Variants in CELSR1 observed in about 807,000 individuals in gnomAD.
CELSR1 encodes cadherin EGF LAG seven-pass G-type receptor 1, also known as adhesion G protein-coupled receptor C1.
In CELSR1, 110 loss-of-function variants were observed where a neutral mutation model predicts 249.1. The ratio of observed to expected loss-of-function variants is 0.44; its 90% CI spans 0.38 to 0.52. The LOEUF (loss-of-function observed/expected upper bound fraction) is 0.52. CELSR1 is among the 20% of genes least tolerant of loss of function. The pLI is 0.00. For synonymous variants in CELSR1, 2,113 were observed against 1,900.0 expected (o/e 1.11, Z -2.92); for missense variants, 4,109 against 4,296.4 (o/e 0.96, Z 1.22).
intron 2 of CELSR1, among the ~76,000 whole-genome samples, chr22:46,460,537 G>A (rs549842483): frequency 1.0e-3 from 152 of 152,314 alleles, no homozygotes; most frequent in Non-Finnish European, 1.2e-3. Flanking sequence ...CCAAGTCAGA[G>A]CCTGAGCAAT....
chr22:46,528,497 G>A (rs531520403), intron 1 of CELSR1, among the ~76,000 whole-genome samples: 7 of 152,174 alleles, frequency 4.6e-5, no homozygotes, highest in Non-Finnish European at 1.0e-4. Flanking sequence ...CCCAAGCTCC[G>A]CATTCTGCAA....
chr22:46,373,650 TGGGGAGATGGGGGAGAAGGGGGAGATG>T (rs1473291776), intron 24 of CELSR1, among the ~76,000 whole-genome samples: 219 of 60,652 alleles, frequency 3.6e-3, no homozygotes, highest in Middle Eastern at 0.02. Flanking sequence ...AATGGGAGAA[TGGGGAGATGGGGGAGAAGGGGGAGATG>T]GGGGAGATGG....
At chr22:46,482,191 G>A (rs956671810) in intron 1 of CELSR1, among the ~76,000 whole-genome samples, 1 of 152,244 alleles carries the variant, frequency 6.6e-6, no homozygotes, top group African/African-American at 2.4e-5. Context: ...TATGCCACAT[G>A]GCACAGGGGC....
In CELSR1 at chr22:46,505,135, T is replaced by G. The variant is rs560033534; in HGVS notation, c.3544+28492A>C. 4.6e-4 allele frequency among the ~76,000 whole-genome samples: 69 copies of G among 151,616 alleles called. No individual in the cohort carries two copies. The East Asian group carries it at 6.4e-3, about 14-fold the overall frequency. On this transcript the variant is annotated intron_variant, in intron 1 of 34. Transcript: ENST00000674500. ...AAATCAGCAAGGCATGGTGGCGGGC[T>G]CCTGTAGTCCCAGCTACTCGGGAGG...
At position 46,372,811 on chromosome 22, in the gene CELSR1, G is replaced by T. The variant is rs938609572; in HGVS notation, c.7759+72C>A. On this transcript the variant is annotated intron_variant, in intron 25 of 34. Coordinates refer to ENST00000674500, the MANE Select transcript of CELSR1 (RefSeq NM_001378328.1). ...GGCTGGGCAGGGAAGAGAAAGGAGG[G>T]CAGCGTTCCTGCACAGCTGGGGTCT... 5.3e-6 allele frequency: 8 copies of T among 1,507,780 alleles called. No individual in the cohort carries two copies. In the Admixed American group the frequency reaches 1.5e-4, roughly 28 times the overall value. The allele number at this position is 1,507,780 out of a possible 1,614,324, so 93.4% of individuals were successfully genotyped here. A position where few individuals can be genotyped will look rare whatever the true frequency, so the allele number is the denominator to read the frequency against.
rs976586604 is a variant in CELSR1, at chr22:46,391,910, C to T, written c.5965-94G>A. ...CCCGAGCGACGTCCAGACTCCCACCCGGGTGTGTGTGTTGGCCGCCAGCCA... is the reference window on the plus strand; with the variant it reads ...CCCGAGCGACGTCCAGACTCCCACCTGGGTGTGTGTGTTGGCCGCCAGCCA... On this transcript the variant is annotated intron_variant, in intron 14 of 34. Coordinates refer to ENST00000674500, the MANE Select transcript of CELSR1 (RefSeq NM_001378328.1). This position sits in a 1 kb window ranked among gnomAD's most constrained non-coding sequence, Gnocchi z 4.3. The T allele has an allele frequency of 4.4e-6, 6 of 1,351,332 alleles. No individual in the cohort carries two copies. The highest frequency in any genetic ancestry group is 2.6e-5 in the Admixed American group (1 of 38,548). 83.7% of individuals were successfully genotyped at this position (1,351,332 alleles called of 1,614,324 possible). A position where few individuals can be genotyped will look rare whatever the true frequency, so the allele number is the denominator to read the frequency against.
Position 46,412,411 on chromosome 22 carries a change from A to C in CELSR1, c.4612-652T>G, listed in dbSNP as rs758618125. ...CTGCTCTTCTGGGGGTGTCCTCCTG[A>C]CCACGGCACCTGGCCAGGTTCGTGC... On this transcript the variant is annotated intron_variant, in intron 5 of 34. Coordinates refer to ENST00000674500, the MANE Select transcript of CELSR1 (RefSeq NM_001378328.1). The surrounding 1 kb of genome is among the most constrained non-coding windows in gnomAD (Gnocchi z 4.5). Among the ~76,000 whole-genome samples, 1 of 152,008 alleles carries C rather than the reference A, an allele frequency of 6.6e-6. No individual in the cohort carries two copies. The highest frequency in any genetic ancestry group is 1.5e-5 in the Non-Finnish European group (1 of 67,986).
chr22:46,427,406 G>A lies in CELSR1; in HGVS notation c.4611+5987C>T, dbSNP rs56228117. Among the ~76,000 whole-genome samples, 20,330 of 152,168 alleles carry A rather than the reference G, an allele frequency of 0.13. 1,984 individuals are homozygous for A. Among genetic ancestry groups the A allele is most frequent in the African/African-American group, 0.27 (11,369 of 41,506 alleles). ...ACAAAAATTAACCGGGTGTGGTGGC[G>A]CGCACCTGTAAACCCAGCTACTCAG... On this transcript the variant is annotated intron_variant, in intron 5 of 34. Transcript: ENST00000674500. This position sits in a 1 kb window ranked among gnomAD's most constrained non-coding sequence, Gnocchi z 4.2.
intron 24 of CELSR1, among the ~76,000 whole-genome samples, chr22:46,373,819 C>T (rs2078888139): frequency 6.6e-6 from 1 of 152,206 alleles, no homozygotes; most frequent in Non-Finnish European, 1.5e-5. Context: ...TCCTCAGCAG[C>T]CATCCCATCA....
In CELSR1 at chr22:46,381,826, G is replaced by T. The variant is rs1382668510; in HGVS notation, c.7088+20C>A. ...CCTCCAGAACGGGCCCTCCCCGTGT[G>T]CCCCGTGCCCAGGCCTTACCGGAGG... On this transcript the variant is annotated intron_variant, in intron 21 of 34. Coordinates refer to ENST00000674500, the MANE Select transcript of CELSR1 (RefSeq NM_001378328.1). The surrounding 1 kb of genome is among the most constrained non-coding windows in gnomAD (Gnocchi z 6.0). 5.2e-6 allele frequency: 8 copies of T among 1,539,640 alleles called. No individual in the cohort carries two copies. Among genetic ancestry groups the T allele is most frequent in the Non-Finnish European group, 7.0e-6 (8 of 1,146,146 alleles).
intron 1 of CELSR1, among the ~76,000 whole-genome samples, chr22:46,489,660 C>T (rs1342821427): frequency 1.3e-5 from 2 of 152,070 alleles, no homozygotes; most frequent in Non-Finnish European, 2.9e-5. Flanking sequence ...TACCTGTAAT[C>T]CCAGCACTTT....
At chr22:46,508,141 C>G (rs949034804) in intron 1 of CELSR1, among the ~76,000 whole-genome samples, 1 of 152,062 alleles carries the variant, frequency 6.6e-6, no homozygotes, top group Non-Finnish European at 1.5e-5. Flanking sequence ...CAGGCGTAGA[C>G]CCCCTCCCCC....
At chr22:46,475,271 C>A (rs1450585689) in intron 1 of CELSR1, among the ~76,000 whole-genome samples, 1 of 152,016 alleles carries the variant, frequency 6.6e-6, no homozygotes, top group South Asian at 2.1e-4. Context: ...TCAGGTAGCA[C>A]AAGAAATAAG....
Position 46,460,774 on chromosome 22 carries a change from G to A in CELSR1, c.4183+2933C>T, listed in dbSNP as rs143929802. 6.6e-3 allele frequency among the ~76,000 whole-genome samples: 998 copies of A among 152,264 alleles called. 9 individuals are homozygous for A. Among genetic ancestry groups the A allele is most frequent in the African/African-American group, 0.022 (933 of 41,556 alleles). ...ACCCCAACCACAGTCCCAACGCCGTGAGCGGGTGGCAGCCCTCCTTTCCCT... is the reference window on the plus strand; with the variant it reads ...ACCCCAACCACAGTCCCAACGCCGTAAGCGGGTGGCAGCCCTCCTTTCCCT... On this transcript the variant is annotated intron_variant, in intron 2 of 34. Transcript: ENST00000674500.
intron 23 of CELSR1, 119 bp downstream of exon 23, chr22:46,378,472 G>T: frequency 9.1e-7 from 1 of 1,101,736 alleles, no homozygotes; most frequent in Non-Finnish European, 1.3e-6. Context: ...GGACAGATTT[G>T]GGGGCAGGCT....
At chr22:46,532,968 C>T (rs567368000) in intron 1 of CELSR1, among the ~76,000 whole-genome samples, 1 of 152,310 alleles carries the variant, frequency 6.6e-6, no homozygotes, top group South Asian at 2.1e-4. Flanking sequence ...CACACTGGCT[C>T]CACCACTAAC....
chr22:46,451,948 A>C (rs765633345), intron 2 of CELSR1, among the ~76,000 whole-genome samples: 144 of 152,184 alleles, frequency 9.5e-4, no homozygotes, highest in Non-Finnish European at 1.9e-3. Flanking sequence ...GGGCTGGTGC[A>C]CAGGGAGGCA....
chr22:46,433,477 C>T lies in CELSR1; in HGVS notation c.4527G>A (p.Glu1509=), dbSNP rs1420499721. 1 of 1,605,140 alleles carries T rather than the reference C, an allele frequency of 6.2e-7. No individual in the cohort carries two copies. Among genetic ancestry groups the T allele is most frequent in the Non-Finnish European group, 8.5e-7 (1 of 1,175,436 alleles). ...EQVQLTFSAG[E]TTTTVAPKVP... ...CCTTCGGTGCCACGGTCGTTGTTGT[C>T]TCGCCTGCATGGTGGGAGGGAGACC... The change falls in exon 5 of 35, where the codon GAG becomes GAA. Residue 1509 remains glutamate, a synonymous_variant. Coordinates refer to ENST00000674500, the MANE Select transcript of CELSR1 (RefSeq NM_001378328.1). The surrounding 1 kb of genome is among the most constrained non-coding windows in gnomAD (Gnocchi z 5.7).
chr22:46,379,744 C>T (rs772628801), intron 22 of CELSR1, among the ~76,000 whole-genome samples: 9 of 152,232 alleles, frequency 5.9e-5, no homozygotes, highest in Non-Finnish European at 1.3e-4. Context: ...CCCAGGGCAA[C>T]TGTGATGGGG....
Sources: allele counts gnomAD v4.1 joint callset (sites outside exome capture counted in the v4.1 genomes callset), GRCh38; gene constraint gnomAD v4.1.1; non-coding constraint Gnocchi (gnomAD v3.1); transcripts MANE v1.5; gene names NCBI Gene and HGNC (gene_info 2026-07-23, HGNC 2026-07-21).